Variants in MAGI2 observed in about 807,000 individuals in gnomAD.
The protein encoded by MAGI2 is membrane-associated guanylate kinase, WW and PDZ domain-containing protein 2.
Under a neutral mutation model 133.3 loss-of-function variants are expected in MAGI2, and 35 were observed. The observed-to-expected ratio is 0.26, with a 90% CI of 0.20 to 0.35. The LOEUF (loss-of-function observed/expected upper bound fraction) is 0.35. MAGI2 is among the 10% of genes least tolerant of loss of function. The probability of loss-of-function intolerance (pLI) is 1.00; values close to 1 mark genes in which losing one functional copy is unlikely to be tolerated. For synonymous variants in MAGI2, 729 were observed against 710.6 expected, an observed-to-expected ratio of 1.03 and a Z score of -0.41; for missense variants, 1,636 against 1,863.4, an observed-to-expected ratio of 0.88 and a Z score of 2.25.
At chr7:79,322,277 G>C (rs961798429) in intron 1 of MAGI2, among the ~76,000 whole-genome samples, 1 of 152,096 alleles carries the variant, frequency 6.6e-6, no homozygotes, top group African/African-American at 2.4e-5. Flanking sequence ...ATAGAGACAA[G>C]AGCAAAAACC....
intron 1 of MAGI2, among the ~76,000 whole-genome samples, chr7:79,022,018 C>A (rs1446874813): frequency 6.6e-6 from 1 of 152,146 alleles, no homozygotes; most frequent in Non-Finnish European, 1.5e-5. Context: ...GCTCAGCAGT[C>A]ATTGTCTATC....
chr7:78,747,858 T>A (rs1443349571), intron 2 of MAGI2, among the ~76,000 whole-genome samples: 3 of 152,186 alleles, frequency 2.0e-5, no homozygotes, highest in Admixed American at 6.6e-5. Context: ...AGGGGGCTCC[T>A]GGTGTGAGCC....
chr7:79,318,595 C>T (rs1452897049), intron 1 of MAGI2, among the ~76,000 whole-genome samples: 2 of 152,028 alleles, frequency 1.3e-5, no homozygotes, highest in African/African-American at 2.4e-5. Context: ...ATTTTTACTC[C>T]GACCTAATAT....
chr7:78,769,485 AAC>A (rs1413994135), intron 2 of MAGI2, among the ~76,000 whole-genome samples: 1 of 134,484 alleles, frequency 7.4e-6, no homozygotes, highest in Non-Finnish European at 1.6e-5. Flanking sequence ...ACTGAAGTAA[AAC>A]CGTCACCACC....
intron 2 of MAGI2, among the ~76,000 whole-genome samples, chr7:78,679,643 C>T (rs1815430417): frequency 6.6e-6 from 1 of 152,100 alleles, no homozygotes. Context: ...AAGTGACAGG[C>T]AAATGACTTC....
At chr7:78,209,013 G>C (rs1241809014) in intron 10 of MAGI2, among the ~76,000 whole-genome samples, 1 of 150,470 alleles carries the variant, frequency 6.6e-6, no homozygotes, top group African/African-American at 2.4e-5. Flanking sequence ...ACGAGGTCAG[G>C]AGATCGAGAC....
At chr7:78,686,263 C>T (rs1270988081) in intron 2 of MAGI2, among the ~76,000 whole-genome samples, 2 of 151,998 alleles carry the variant, frequency 1.3e-5, no homozygotes, top group Non-Finnish European at 2.9e-5. Flanking sequence ...ATTCTCCTTG[C>T]TTTGGTTGAT....
intron 2 of MAGI2, among the ~76,000 whole-genome samples, chr7:78,868,552 T>C (rs1346885791): frequency 1.3e-5 from 2 of 152,198 alleles, no homozygotes; most frequent in Non-Finnish European, 2.9e-5. Context: ...GAGTATCTAA[T>C]ATAAAACCTT....
At chr7:78,388,297 G>GCCA (rs144607915) in intron 6 of MAGI2, among the ~76,000 whole-genome samples, 1 of 108,892 alleles carries the variant, frequency 9.2e-6, no homozygotes, top group East Asian at 2.0e-4. Flanking sequence ...CATCATCATC[G>GCCA]TCATCATCAT....
At chr7:79,413,679 T>C (rs1044568186) in intron 1 of MAGI2, 1 of 151,002 alleles carries the variant, frequency 6.6e-6, no homozygotes, top group African/African-American at 2.5e-5. Context: ...TCTTTCATCC[T>C]CTCTCAAAGT....
At chr7:78,494,895 C>T (rs1436569190) in intron 5 of MAGI2, among the ~76,000 whole-genome samples, 1 of 152,088 alleles carries the variant, frequency 6.6e-6, no homozygotes, top group Non-Finnish European at 1.5e-5. Flanking sequence ...CCAGCCTCCC[C>T]GCCCCCGGGA....
chr7:79,196,848 G>T (rs895679978), intron 1 of MAGI2, among the ~76,000 whole-genome samples: 1 of 151,874 alleles, frequency 6.6e-6, no homozygotes, highest in Non-Finnish European at 1.5e-5. Flanking sequence ...GCTTACTGCA[G>T]CCTTGATCTC....
intron 2 of MAGI2, among the ~76,000 whole-genome samples, chr7:78,666,611 T>C (rs1020678534): frequency 6.6e-6 from 1 of 152,210 alleles, no homozygotes; most frequent in Non-Finnish European, 1.5e-5. Context: ...CATCTTCAGC[T>C]GACATCTGTG....
chr7:79,426,680 A>G (rs373899852), intron 1 of MAGI2, among the ~76,000 whole-genome samples: 1 of 152,196 alleles, frequency 6.6e-6, no homozygotes, highest in East Asian at 1.9e-4. Context: ...AGGGATGCAC[A>G]ATGTCAGAGA....
intron 2 of MAGI2, among the ~76,000 whole-genome samples, chr7:78,893,747 G>A (rs1796970970): frequency 6.6e-6 from 1 of 151,876 alleles, no homozygotes; most frequent in African/African-American, 2.4e-5. Flanking sequence ...GGCGGGGGAG[G>A]GATAGCATTA....
At chr7:79,194,737 G>A (rs1827937728) in intron 1 of MAGI2, among the ~76,000 whole-genome samples, 1 of 151,226 alleles carries the variant, frequency 6.6e-6, no homozygotes, top group African/African-American at 2.4e-5. Flanking sequence ...TGAGCTTTAG[G>A]GAATGGATGA....
At chr7:78,645,885 T>C (rs1810835083) in intron 2 of MAGI2, among the ~76,000 whole-genome samples, 1 of 152,062 alleles carries the variant, frequency 6.6e-6, no homozygotes, top group Admixed American at 6.6e-5. Flanking sequence ...ACCACAGTTG[T>C]GCACCACCAT....
chr7:78,661,579 T>C (rs1385343561), intron 2 of MAGI2, among the ~76,000 whole-genome samples: 1 of 152,224 alleles, frequency 6.6e-6, no homozygotes, highest in African/African-American at 2.4e-5. Flanking sequence ...CTTTCGACTT[T>C]GATTCTTTCT....
chr7:78,934,215 C>T (rs552837804), intron 2 of MAGI2, among the ~76,000 whole-genome samples: 2 of 152,218 alleles, frequency 1.3e-5, no homozygotes, highest in East Asian at 1.9e-4. Context: ...AATTCTCCTG[C>T]CTCAGCCTCC....
Sources: gnomAD v4.1 joint callset for allele counts (sites outside exome capture counted in the v4.1 genomes callset) on GRCh38, gnomAD v4.1.1 for gene constraint, MANE v1.5 for transcripts, NCBI Gene and HGNC (gene_info 2026-07-23, HGNC 2026-07-21) for gene names.